MRPS25: variants seen among roughly 807,000 people sequenced by gnomAD.
MRPS25 encodes small ribosomal subunit protein mS25.
In MRPS25, 15 loss-of-function variants were observed where a neutral mutation model predicts 17.3. That is an observed-to-expected ratio of 0.87 (90% CI 0.58 to 1.34). The LOEUF (loss-of-function observed/expected upper bound fraction) is 1.34, where lower values mean the gene tolerates loss of function less well. MRPS25 is among the 40% of genes most tolerant of loss of function. MRPS25 has a pLI of 0.00. For synonymous variants in MRPS25, 94 were observed against 83.3 expected, an observed-to-expected ratio of 1.13 and a Z score of -0.70; for missense variants, 225 against 218.6, an observed-to-expected ratio of 1.03 and a Z score of -0.19.
intron 2 of MRPS25, among the ~76,000 whole-genome samples, chr3:15,056,230 T>C (rs1401745581): frequency 6.6e-6 from 1 of 151,556 alleles, no homozygotes. Flanking sequence ...AAAAAAAGAT[T>C]CAAACAGACT....
chr3:15,064,952 C>G, intron 1 of MRPS25, 109 bp downstream of exon 1: 1 of 1,406,010 alleles, frequency 7.1e-7, no homozygotes, highest in Non-Finnish European at 9.5e-7. Context: ...CCTGGGGGGC[C>G]CGCCCCGGGG....
At chr3:15,061,888 C>A (rs1400974667) in intron 1 of MRPS25, among the ~76,000 whole-genome samples, 78 of 149,494 alleles carry the variant, frequency 5.2e-4, no homozygotes, top group Non-Finnish European at 1.0e-3. Context: ...AGGGAGGAGA[C>A]CCTCCGCCCG....
chr3:15,064,592 T>G (rs1575074907), intron 1 of MRPS25, among the ~76,000 whole-genome samples: 1 of 152,154 alleles, frequency 6.6e-6, no homozygotes, highest in South Asian at 2.1e-4. Flanking sequence ...TCTCTAGGCA[T>G]CAGAAAAAAG....
At chr3:15,056,122 G>A (rs1470108264) in intron 2 of MRPS25, among the ~76,000 whole-genome samples, 2 of 151,830 alleles carry the variant, frequency 1.3e-5, no homozygotes, top group Non-Finnish European at 2.9e-5. Context: ...GGCTGAGGCA[G>A]GAGAATGGCG....
At chr3:15,053,967 A>G (rs1453944091) in intron 2 of MRPS25, among the ~76,000 whole-genome samples, 1 of 152,236 alleles carries the variant, frequency 6.6e-6, no homozygotes, top group Non-Finnish European at 1.5e-5. Context: ...GTACTAGTAT[A>G]AGAATATGGC....
chr3:15,056,501 G>A (rs745441576), intron 2 of MRPS25, among the ~76,000 whole-genome samples: 37 of 152,230 alleles, frequency 2.4e-4, no homozygotes, highest in Non-Finnish European at 8.8e-5. Flanking sequence ...GTGGGCCCAG[G>A]TTAACCCCAT....
Position 15,052,553 on chromosome 3 carries a change from C to A in MRPS25, c.410G>T (p.Arg137Leu). Residue 137 changes from arginine to leucine, a missense_variant, in exon 4 of 4, where the codon CGG becomes CTG. By Grantham distance (102) the Arg-to-Leu change is moderately radical. Coordinates refer to ENST00000253686, the MANE Select transcript of MRPS25 (RefSeq NM_022497.5). ...ANFGPRKYCL[R>L]ECICEVEGQV... Reference sequence around the variant, plus strand: ...CCCTTCCACTTCACAGATGCACTCCCGCAGGCAGTACTTTCGAGGGCCGAA... The same window carrying A: ...CCCTTCCACTTCACAGATGCACTCCAGCAGGCAGTACTTTCGAGGGCCGAA... 2 of 1,614,200 alleles carry A rather than the reference C, an allele frequency of 1.2e-6. No homozygotes were observed. The highest frequency in any genetic ancestry group is 1.1e-5 in the South Asian group (1 of 91,086).
intron 1 of MRPS25, 110 bp downstream of exon 1, chr3:15,064,951 C>A: frequency 7.2e-7 from 1 of 1,394,388 alleles, no homozygotes; most frequent in South Asian, 1.3e-5. Context: ...ACCTGGGGGG[C>A]CCGCCCCGGG....
At chr3:15,061,323 C>T (rs954141254) in intron 1 of MRPS25, among the ~76,000 whole-genome samples, 3 of 152,178 alleles carry the variant, frequency 2.0e-5, no homozygotes, top group Non-Finnish European at 4.4e-5. Flanking sequence ...CTGCCTGATT[C>T]TCCTGCCTCA....
intron 2 of MRPS25, among the ~76,000 whole-genome samples, chr3:15,057,356 C>T (rs2042686120): frequency 6.6e-6 from 1 of 152,194 alleles, no homozygotes; most frequent in Non-Finnish European, 1.5e-5. Context: ...AAATCTCATA[C>T]TTCTAACTCT....
chr3:15,052,712 C>A, intron 3 of MRPS25, 79 bp from the exon 4 acceptor site: 1 of 1,439,640 alleles, frequency 6.9e-7, no homozygotes, highest in Non-Finnish European at 9.6e-7. Context: ...GCCGAGACAA[C>A]CCCACCATCC....
chr3:15,049,907 C>T lies in MRPS25; in HGVS notation c.*2534G>A, dbSNP rs1169154477. 2 of 1,532,450 alleles carry T rather than the reference C, an allele frequency of 1.3e-6. No individual in the cohort carries two copies. The highest frequency in any genetic ancestry group is 2.0e-5 in the Admixed American group (1 of 50,248). The allele number at this position is 1,532,450 out of a possible 1,614,324, so 94.9% of individuals were successfully genotyped here. A position where few individuals can be genotyped will look rare whatever the true frequency, so the allele number is the denominator to read the frequency against. ...GTAACTGGGACCACAGCAGATGATA[C>T]AGGTTTAGATGGTGCTGCCAGGTAG... On this transcript the variant is annotated 3_prime_UTR_variant, in exon 4 of 4. Transcript: ENST00000253686.
intron 2 of MRPS25, 43 bp from the exon 3 acceptor site, chr3:15,053,510 A>G: frequency 1.2e-6 from 2 of 1,612,718 alleles, no homozygotes; most frequent in Middle Eastern, 1.7e-4. Flanking sequence ...CAGAACTCAC[A>G]GCGCACTCAG....
chr3:15,057,114 G>A (rs1347145703), intron 2 of MRPS25, among the ~76,000 whole-genome samples: 1 of 152,206 alleles, frequency 6.6e-6, no homozygotes, highest in Non-Finnish European at 1.5e-5. Flanking sequence ...AGGAGTTGCC[G>A]CTGAGCTGAC....
rs1353717690 is a variant in MRPS25 at position 15,051,028 on chromosome 3, G to A, written c.*1413C>T. 3.1e-6 allele frequency: 3 copies of A among 982,044 alleles called. No homozygotes were observed. Among genetic ancestry groups the A allele is most frequent in the Non-Finnish European group, 3.6e-6 (3 of 827,004 alleles). The allele number at this position is 982,044 out of a possible 1,614,324, so 60.8% of individuals were successfully genotyped here. On this transcript the variant is annotated 3_prime_UTR_variant, in exon 4 of 4. Coordinates refer to ENST00000253686, the MANE Select transcript of MRPS25 (RefSeq NM_022497.5). Reference sequence around the variant, plus strand: ...GACTTGACCAAGGCCCCAGCAGGTAGAGGAATGAAAACTTCAGTCCTGCTC... The same window carrying A: ...GACTTGACCAAGGCCCCAGCAGGTAAAGGAATGAAAACTTCAGTCCTGCTC...
chr3:15,046,241 CTAAGA>C (rs1479173013), downstream of MRPS25: 1 of 152,154 alleles, frequency 6.6e-6, no homozygotes, highest in Non-Finnish European at 1.5e-5. Flanking sequence ...GTAGTCACTT[CTAAGA>C]TGTGTAATTG....
intron 2 of MRPS25, 133 bp from the exon 3 acceptor site, chr3:15,053,600 A>G (rs1376711880): frequency 2.1e-6 from 2 of 965,402 alleles, no homozygotes; most frequent in South Asian, 2.8e-5. Context: ...TGTTTACATA[A>G]TCTGTAATAC....
At chr3:15,057,714 C>T (rs1468521515) in intron 2 of MRPS25, among the ~76,000 whole-genome samples, 2 of 152,184 alleles carry the variant, frequency 1.3e-5, no homozygotes, top group East Asian at 1.9e-4. Flanking sequence ...TATATAACAA[C>T]GGCCAGTACC....
chr3:15,051,422 A>G lies in MRPS25; in HGVS notation c.*1019T>C, dbSNP rs2042603659. The G allele has an allele frequency of 3.5e-6, 3 of 857,366 alleles. No homozygotes were observed. Among genetic ancestry groups the G allele is most frequent in the Admixed American group, 6.2e-5 (1 of 16,106 alleles). 53.1% of individuals were successfully genotyped at this position (857,366 alleles called of 1,614,324 possible). Reference sequence around the variant, plus strand: ...TGGTCTCGAACTCCTGGGCTCAACTATCCGCCCACATCAGCCTCCCAAAGT... The same window carrying G: ...TGGTCTCGAACTCCTGGGCTCAACTGTCCGCCCACATCAGCCTCCCAAAGT... On this transcript the variant is annotated 3_prime_UTR_variant, in exon 4 of 4. Coordinates refer to ENST00000253686, the MANE Select transcript of MRPS25 (RefSeq NM_022497.5).
Sources: allele counts gnomAD v4.1 joint callset (sites outside exome capture counted in the v4.1 genomes callset), GRCh38; gene constraint gnomAD v4.1.1; transcripts MANE v1.5; gene names NCBI Gene and HGNC (gene_info 2026-07-23, HGNC 2026-07-21).